Variants in CTNNA3 observed in about 807,000 individuals in gnomAD.
The protein encoded by CTNNA3 is catenin alpha 3.
In CTNNA3, 76 loss-of-function variants were observed where a neutral mutation model predicts 95.7. The ratio of observed to expected loss-of-function variants is 0.79; its 90% CI spans 0.66 to 0.96. The LOEUF is 0.96. Among genes scored for constraint, CTNNA3 ranks in the 40% least tolerant of loss-of-function variants. CTNNA3 has a pLI of 0.00. For missense variants in CTNNA3, 1,191 were observed against 1,089.8 expected, an observed-to-expected ratio of 1.09 and a Z score of -1.31; for synonymous variants, 431 against 374.4, an observed-to-expected ratio of 1.15 and a Z score of -1.74.
intron 3 of CTNNA3, among the ~76,000 whole-genome samples, chr10:67,542,867 T>A (rs573985428): frequency 1.7e-4 from 26 of 152,096 alleles, no homozygotes; most frequent in Non-Finnish European, 2.8e-4. Context: ...TTTTCCTAAT[T>A]AAATAGAAAA....
intron 7 of CTNNA3, among the ~76,000 whole-genome samples, chr10:67,001,484 G>A (rs1191319461): frequency 6.6e-6 from 1 of 151,624 alleles, no homozygotes; most frequent in Non-Finnish European, 1.5e-5. Context: ...TGGGAATGGG[G>A]GGCACAGACA....
At chr10:66,393,354 G>A (rs1055525085) in intron 11 of CTNNA3, among the ~76,000 whole-genome samples, 1 of 152,078 alleles carries the variant, frequency 6.6e-6, no homozygotes, top group Non-Finnish European at 1.5e-5. Flanking sequence ...GAAGCCTACT[G>A]TAAACGGTAG....
At chr10:67,054,878 T>G (rs1855331079) in intron 7 of CTNNA3, 3 of 152,204 alleles carry the variant, frequency 2.0e-5, no homozygotes, top group Non-Finnish European at 4.4e-5. Context: ...ATCCTGTTAG[T>G]ACATTATAGC....
chr10:66,702,614 G>C (rs145827924), intron 9 of CTNNA3, among the ~76,000 whole-genome samples: 1 of 149,050 alleles, frequency 6.7e-6, no homozygotes, highest in Non-Finnish European at 1.5e-5. Flanking sequence ...GCTGAGGCAG[G>C]AGAATCACTT....
intron 5 of CTNNA3, among the ~76,000 whole-genome samples, chr10:67,370,768 G>A (rs1272188370): frequency 6.6e-6 from 1 of 151,820 alleles, no homozygotes; most frequent in Non-Finnish European, 1.5e-5. Flanking sequence ...TACATATAAT[G>A]TTTTCAACTA....
chr10:66,463,719 T>C (rs2093544887), intron 11 of CTNNA3, among the ~76,000 whole-genome samples: 1 of 152,078 alleles, frequency 6.6e-6, no homozygotes, highest in Non-Finnish European at 1.5e-5. Context: ...TAATCCCCTA[T>C]ACTGATAGGG....
chr10:67,218,217 C>T (rs936904135), intron 6 of CTNNA3, among the ~76,000 whole-genome samples: 5 of 152,154 alleles, frequency 3.3e-5, no homozygotes, highest in African/African-American at 7.2e-5. Flanking sequence ...GTATCACACT[C>T]GGCACTCCCC....
At chr10:67,474,524 T>A (rs2133036669) in intron 5 of CTNNA3, among the ~76,000 whole-genome samples, 1 of 152,288 alleles carries the variant, frequency 6.6e-6, no homozygotes, top group South Asian at 2.1e-4. Context: ...GATAAAAATT[T>A]CTGCTGTTTA....
chr10:66,736,106 T>C (rs1460557955), intron 9 of CTNNA3, among the ~76,000 whole-genome samples: 1 of 152,132 alleles, frequency 6.6e-6, no homozygotes, highest in African/African-American at 2.4e-5. Context: ...CCTCTCTTAT[T>C]CAACGTGCTG....
intron 5 of CTNNA3, among the ~76,000 whole-genome samples, chr10:67,519,038 AT>A (rs1438578757): frequency 3.3e-5 from 5 of 152,138 alleles, no homozygotes; most frequent in Non-Finnish European, 5.9e-5. Flanking sequence ...CTATTTCAAC[AT>A]TAGTCTTTTT....
At chr10:67,120,767 G>A (rs1447415105) in intron 7 of CTNNA3, among the ~76,000 whole-genome samples, 4 of 151,892 alleles carry the variant, frequency 2.6e-5, no homozygotes, top group Admixed American at 6.6e-5. Context: ...TTCCCTTACC[G>A]TACAAAGAAA....
intron 7 of CTNNA3, among the ~76,000 whole-genome samples, chr10:67,143,689 A>G (rs1175227775): frequency 6.6e-6 from 1 of 152,132 alleles, no homozygotes; most frequent in African/African-American, 2.4e-5. Flanking sequence ...ACGTCATGAA[A>G]ATGCAGCAAT....
chr10:66,446,122 A>G (rs1450396728), intron 11 of CTNNA3, among the ~76,000 whole-genome samples: 1 of 152,224 alleles, frequency 6.6e-6, no homozygotes, highest in African/African-American at 2.4e-5. Flanking sequence ...AGACTAAACC[A>G]GGAAAAAGTT....
chr10:66,609,793 G>A (rs1425171091), intron 10 of CTNNA3, among the ~76,000 whole-genome samples: 1 of 152,100 alleles, frequency 6.6e-6, no homozygotes, highest in Non-Finnish European at 1.5e-5. Flanking sequence ...AAAGACACAT[G>A]TATGTGTATG....
rs563617846 is a variant in CTNNA3, at chr10:66,720,850, G to C, written c.1281+45414C>G. On this transcript the variant is annotated intron_variant, in intron 9 of 17. Coordinates refer to ENST00000433211, the MANE Select transcript of CTNNA3 (RefSeq NM_013266.4). The stretch of plus-strand genomic sequence containing the variant: ...CCTGTCTCAAAAAAAGAAAAGAAAA[G>C]AAAAGAAAACAAAAAGACCTGCTCT... 4.6e-5 allele frequency among the ~76,000 whole-genome samples: 7 copies of C among 152,050 alleles called. No individual in the cohort carries two copies. The East Asian group carries it at 1.2e-3, about 25-fold the overall frequency.
chr10:67,748,617 A>G (rs1278486209), intron 1 of CTNNA3, among the ~76,000 whole-genome samples: 1 of 152,218 alleles, frequency 6.6e-6, no homozygotes, highest in Non-Finnish European at 1.5e-5. Flanking sequence ...TAAATATGGA[A>G]AGGAAAAACC....
At chr10:66,086,003 A>G (rs1313320701) in intron 14 of CTNNA3, among the ~76,000 whole-genome samples, 1 of 152,198 alleles carries the variant, frequency 6.6e-6, no homozygotes, top group Non-Finnish European at 1.5e-5. Context: ...ATCAGTTTGT[A>G]CAAGCTAAAT....
chr10:66,180,437 C>T (rs953362003), intron 13 of CTNNA3, among the ~76,000 whole-genome samples: 2 of 152,100 alleles, frequency 1.3e-5, no homozygotes, highest in African/African-American at 4.8e-5. Flanking sequence ...TTTTGTAGCT[C>T]TAATTGATTC....
At chr10:67,358,667 T>C (rs1308465232) in intron 5 of CTNNA3, among the ~76,000 whole-genome samples, 6 of 151,946 alleles carry the variant, frequency 3.9e-5, no homozygotes, top group Non-Finnish European at 8.8e-5. Context: ...AGACCACCCA[T>C]AGACATACCC....
Sources: allele counts gnomAD v4.1 joint callset (sites outside exome capture counted in the v4.1 genomes callset), GRCh38; gene constraint gnomAD v4.1.1; transcripts MANE v1.5; gene names NCBI Gene and HGNC (gene_info 2026-07-23, HGNC 2026-07-21).